The following FRMD4B variants were observed in gnomAD, a reference collection of about 807,000 sequenced individuals.
The protein encoded by FRMD4B is FERM domain-containing protein 4B.
Under a neutral mutation model 141.5 loss-of-function variants are expected in FRMD4B, and 74 were observed. The ratio of observed to expected loss-of-function variants is 0.52; its 90% confidence interval spans 0.43 to 0.63. The LOEUF (loss-of-function observed/expected upper bound fraction) is 0.63. Among genes scored for constraint, FRMD4B ranks in the 30% least tolerant of loss-of-function variants. FRMD4B has a pLI of 0.00. For synonymous variants in FRMD4B, 506 were observed against 467.9 expected (o/e 1.08, Z -1.05); for missense variants, 1,366 against 1,253.4 (o/e 1.09, Z -1.36).
At chr3:69,492,484 T>C (rs912807836) in intron 1 of FRMD4B, among the ~76,000 whole-genome samples, 1 of 152,206 alleles carries the variant, frequency 6.6e-6, no homozygotes, top group Non-Finnish European at 1.5e-5. Flanking sequence ...GATTGTATTT[T>C]GTGGATCATT....
rs1188800208 is a variant in FRMD4B at position 69,169,676 on chromosome 3, C to T, written c.*2185G>A. Among the ~76,000 whole-genome samples the T allele has an allele frequency of 1.3e-5, 2 of 152,060 alleles. No homozygotes were observed. Among genetic ancestry groups the T allele is most frequent in the African/African-American group, 4.8e-5 (2 of 41,408 alleles). Reference sequence around the variant, plus strand: ...CTGGCCCTGAGCTTCCATTTCTATACCTTCTTTTCCTCTGTGGGAGCCAAG... The same window carrying T: ...CTGGCCCTGAGCTTCCATTTCTATATCTTCTTTTCCTCTGTGGGAGCCAAG... On this transcript the variant is annotated 3_prime_UTR_variant, in exon 23 of 23. Coordinates refer to ENST00000398540, the MANE Select transcript of FRMD4B (RefSeq NM_015123.3).
intron 1 of FRMD4B, among the ~76,000 whole-genome samples, chr3:69,528,997 C>T (rs541080167): frequency 1.3e-5 from 2 of 152,224 alleles, no homozygotes; most frequent in African/African-American, 4.8e-5. Context: ...ATTTCCAGCC[C>T]ACCACTTCCA....
intron 1 of FRMD4B, among the ~76,000 whole-genome samples, chr3:69,504,108 T>C (rs1706551756): frequency 6.6e-6 from 1 of 152,190 alleles, no homozygotes; most frequent in Non-Finnish European, 1.5e-5. Flanking sequence ...TTTGAGACCT[T>C]CTTCTAAAGC....
At chr3:69,314,111 C>G (rs1242071873) in intron 1 of FRMD4B, among the ~76,000 whole-genome samples, 4 of 106,288 alleles carry the variant, frequency 3.8e-5, no homozygotes, top group Non-Finnish European at 5.1e-5. Flanking sequence ...TGCACTCCAG[C>G]CTGGGCGACA....
intron 1 of FRMD4B, among the ~76,000 whole-genome samples, chr3:69,440,163 C>A (rs1474344431): frequency 6.6e-6 from 1 of 152,096 alleles, no homozygotes; most frequent in East Asian, 1.9e-4. Context: ...TTCCTTTCTC[C>A]CCATCTAAAG....
intron 2 of FRMD4B, among the ~76,000 whole-genome samples, chr3:69,392,642 G>A (rs942624572): frequency 1.3e-5 from 2 of 152,032 alleles, no homozygotes; most frequent in African/African-American, 4.8e-5. Context: ...CTCAGTCCTC[G>A]GGAACCATGG....
chr3:69,243,290 G>C (rs2093400411), intron 7 of FRMD4B, among the ~76,000 whole-genome samples: 1 of 151,510 alleles, frequency 6.6e-6, no homozygotes, highest in Non-Finnish European at 1.5e-5. Context: ...AACACGGCAG[G>C]AAACAAAATA....
upstream of FRMD4B, among the ~76,000 whole-genome samples, chr3:69,390,326 G>A (rs1704353936): frequency 6.6e-6 from 1 of 152,138 alleles, no homozygotes; most frequent in African/African-American, 2.4e-5. Flanking sequence ...GATCATGGAC[G>A]TCCAACATAG....
At chr3:69,407,205 T>C (rs1287018198) in intron 2 of FRMD4B, among the ~76,000 whole-genome samples, 4 of 152,202 alleles carry the variant, frequency 2.6e-5, no homozygotes. Flanking sequence ...CAATACTATA[T>C]ACATCTTTTA....
intron 2 of FRMD4B, among the ~76,000 whole-genome samples, chr3:69,395,004 C>A (rs900211895): frequency 1.3e-5 from 2 of 151,830 alleles, no homozygotes; most frequent in Non-Finnish European, 2.9e-5. Context: ...CATCACACAC[C>A]GGGGCTTGTC....
rs551028016 is a variant in FRMD4B, at chr3:69,467,189, T to A, written c.-128-34428A>T. 3.9e-5 allele frequency among the ~76,000 whole-genome samples: 6 copies of A among 152,292 alleles called. No individual in the cohort carries two copies. In the East Asian group the frequency reaches 1.2e-3, roughly 29 times the overall value. On this transcript the variant is annotated intron_variant, in intron 1 of 5. Coordinates refer to the FRMD4B transcript ENST00000459638. The stretch of plus-strand genomic sequence containing the variant: ...GCCAATGAGAAGTGGAGGTACTGTT[T>A]GGGTCTGCAATTTGACATGTCACTT...
intron 2 of FRMD4B, among the ~76,000 whole-genome samples, chr3:69,421,965 A>G (rs1258270343): frequency 6.6e-6 from 1 of 152,228 alleles, no homozygotes; most frequent in Non-Finnish European, 1.5e-5. Flanking sequence ...TTTTATTTTC[A>G]CTCTGATGAG....
At position 69,199,164 on chromosome 3, in the gene FRMD4B, C is replaced by T. The variant is rs141375525; in HGVS notation, c.877-390G>A. ...GTGGGTGCCTGTAGTCCCAGCTACT[C>T]GGGAGGCTGAGGCAGGAGAATGGCG... On this transcript the variant is annotated intron_variant, in intron 11 of 22. Transcript: ENST00000398540. The T allele has an allele frequency of 3.7e-3, 632 of 171,538 alleles. 18 individuals are homozygous for T. In the East Asian group the frequency reaches 0.071, roughly 19 times the overall value. The allele number at this position is 171,538 out of a possible 1,614,324, so 10.6% of individuals were successfully genotyped here.
intron 1 of FRMD4B, among the ~76,000 whole-genome samples, chr3:69,381,263 AGT>A (rs1704112170): frequency 6.6e-6 from 1 of 152,366 alleles, no homozygotes; most frequent in Admixed American, 6.5e-5. Flanking sequence ...AAATGGAAGA[AGT>A]GTTCAATTCC....
intron 1 of FRMD4B, among the ~76,000 whole-genome samples, chr3:69,364,779 A>C (rs1046394944): frequency 5.3e-5 from 8 of 152,204 alleles, no homozygotes; most frequent in Non-Finnish European, 1.0e-4. Context: ...ATGGCCAAAG[A>C]AGCTCAAAAA....
At chr3:69,463,726 A>G (rs1705737474) in intron 1 of FRMD4B, among the ~76,000 whole-genome samples, 1 of 152,210 alleles carries the variant, frequency 6.6e-6, no homozygotes, top group Non-Finnish European at 1.5e-5. Flanking sequence ...AGTTATCTGA[A>G]GAGAAACTCC....
chr3:69,467,352 C>T (rs1354497155), intron 1 of FRMD4B, among the ~76,000 whole-genome samples: 1 of 152,240 alleles, frequency 6.6e-6, no homozygotes, highest in African/African-American at 2.4e-5. Flanking sequence ...CCAAATCCAT[C>T]TGCCTCTTAA....
At chr3:69,242,478 A>ATTT (rs71115667) in intron 7 of FRMD4B, among the ~76,000 whole-genome samples, 2 of 54,598 alleles carry the variant, frequency 3.7e-5, no homozygotes, top group African/African-American at 1.5e-4. Flanking sequence ...AAATAGCTGC[A>ATTT]TTTTTTTTTT....
intron 1 of FRMD4B, among the ~76,000 whole-genome samples, chr3:69,380,055 C>A (rs993942904): frequency 1.3e-5 from 2 of 152,212 alleles, no homozygotes; most frequent in African/African-American, 4.8e-5. Flanking sequence ...AGGACTTGGC[C>A]TTTGCCCACC....
Sources: gnomAD v4.1 joint callset for allele counts (sites outside exome capture counted in the v4.1 genomes callset) on GRCh38, gnomAD v4.1.1 for gene constraint, MANE v1.5 for transcripts, NCBI Gene and HGNC (gene_info 2026-07-23, HGNC 2026-07-21) for gene names.